The following LSP1 variants were observed in gnomAD, a reference collection of about 807,000 sequenced individuals.
The protein encoded by LSP1 is lymphocyte-specific protein 1.
Under a neutral mutation model 49.3 loss-of-function variants are expected in LSP1, and 32 were observed. The observed-to-expected ratio is 0.65, with a 90% confidence interval of 0.49 to 0.87. LSP1 has a LOEUF of 0.87. LSP1 is among the 40% of genes least tolerant of loss of function. The pLI, the probability that LSP1 is intolerant of heterozygous loss-of-function variation, is 0.00. For missense variants in LSP1, 428 were observed against 442.6 expected, an observed-to-expected ratio of 0.97 and a Z score of 0.30; for synonymous variants, 179 against 178.8, an observed-to-expected ratio of 1.00 and a Z score of -0.01.
chr11:1,864,278 C>T (rs1432769503), intron 1 of LSP1: 19 of 984,608 alleles, frequency 1.9e-5, no homozygotes, highest in Non-Finnish European at 1.7e-5. Flanking sequence ...CAAGAACGGC[C>T]GACGAAGGAG....
intron 1 of LSP1, chr11:1,866,788 G>C (rs927406502): frequency 1.9e-6 from 3 of 1,550,444 alleles, no homozygotes; most frequent in Non-Finnish European, 2.6e-6. Flanking sequence ...CCCAAGAGAA[G>C]GAAGTGCAGC....
chr11:1,864,742 A>G (rs1227743871), intron 1 of LSP1, among the ~76,000 whole-genome samples: 1 of 151,844 alleles, frequency 6.6e-6, no homozygotes, highest in Non-Finnish European at 1.5e-5. Context: ...AGGGATGGGG[A>G]CACAGGGACC....
At chr11:1,873,312 G>C (rs886282957) in intron 1 of LSP1, among the ~76,000 whole-genome samples, 6 of 152,268 alleles carry the variant, frequency 3.9e-5, no homozygotes, top group African/African-American at 1.4e-4. Context: ...CCGAGGCTCA[G>C]AGCAGGCACA....
At chr11:1,876,478 A>C in intron 1 of LSP1, 1 of 985,438 alleles carries the variant, frequency 1.0e-6, no homozygotes, top group Non-Finnish European at 1.2e-6. Flanking sequence ...TCTTCACCAG[A>C]GCCTCCTCAC....
intron 1 of LSP1, among the ~76,000 whole-genome samples, chr11:1,862,772 CT>C (rs1847676241): frequency 5.0e-5 from 1 of 20,098 alleles, no homozygotes; most frequent in Non-Finnish European, 1.0e-4. Flanking sequence ...CTCGCCTCCC[CT>C]GGGTGATCTC....
intron 1 of LSP1, among the ~76,000 whole-genome samples, chr11:1,858,363 C>T (rs919322249): frequency 6.6e-6 from 1 of 152,224 alleles, no homozygotes; most frequent in Non-Finnish European, 1.5e-5. Flanking sequence ...CAGAGCACTG[C>T]TCATGGCCCA....
At chr11:1,861,304 C>A (rs1044096124) in intron 1 of LSP1, among the ~76,000 whole-genome samples, 5 of 152,226 alleles carry the variant, frequency 3.3e-5, no homozygotes, top group Admixed American at 1.3e-4. Flanking sequence ...TATTTTCCAT[C>A]ATCTGACCTT....
At chr11:1,882,567 A>G (rs1848588865) in intron 3 of LSP1, among the ~76,000 whole-genome samples, 2 of 151,774 alleles carry the variant, frequency 1.3e-5, no homozygotes, top group Admixed American at 6.6e-5. Flanking sequence ...GAGATGGGGC[A>G]GCTCCCTTCT....
At chr11:1,864,380 T>G (rs1464695023) in intron 1 of LSP1, 1 of 334,738 alleles carries the variant, frequency 3.0e-6, no homozygotes, top group Admixed American at 6.7e-5. Flanking sequence ...CCCCTGTGCC[T>G]GGGGCAGGGG....
In LSP1 at chr11:1,878,480, C is replaced by T. The variant is rs527956479; in HGVS notation, c.54-1607C>T. Reference sequence around the variant, plus strand: ...CAGGACAGGCAGGCGGATTCGGGGGCGCGGGGGGCGGGGTGCACAGGCGGC... The same window carrying T: ...CAGGACAGGCAGGCGGATTCGGGGGTGCGGGGGGCGGGGTGCACAGGCGGC... On this transcript the variant is annotated intron_variant, in intron 1 of 10. Transcript: ENST00000311604. 2.4e-3 allele frequency among the ~76,000 whole-genome samples: 354 copies of T among 146,500 alleles called. 2 individuals are homozygous for T. Among genetic ancestry groups the T allele is most frequent in the South Asian group, 8.4e-3 (39 of 4,668 alleles).
At chr11:1,887,636 A>G (rs1848813546) in intron 10 of LSP1, 60 bp downstream of exon 10, 1 of 1,426,610 alleles carries the variant, frequency 7.0e-7, no homozygotes, top group Non-Finnish European at 9.8e-7. Context: ...TGTGCTGGGA[A>G]CTTGGCAACC....
intron 1 of LSP1, among the ~76,000 whole-genome samples, chr11:1,875,790 G>C (rs1848284007): frequency 6.6e-6 from 1 of 152,168 alleles, no homozygotes; most frequent in South Asian, 2.1e-4. Context: ...CCGAGCCCCA[G>C]GCGGACGGCG....
chr11:1,863,757 G>T (rs1340795635), intron 1 of LSP1: 1 of 152,284 alleles, frequency 6.6e-6, no homozygotes, highest in Non-Finnish European at 1.5e-5. Flanking sequence ...GCCAGAGGAC[G>T]CGGGCAAGGG....
chr11:1,871,490 G>T, intron 1 of LSP1: 1 of 985,666 alleles, frequency 1.0e-6, no homozygotes, highest in African/African-American at 1.7e-5. Context: ...CTCTGAGGAC[G>T]GTCCCTGACC....
chr11:1,888,799 G>T (rs1848861466), intron 10 of LSP1: 2 of 237,986 alleles, frequency 8.4e-6, no homozygotes, highest in East Asian at 1.6e-4. Flanking sequence ...CCAGGCCCCT[G>T]AGGAGCCTGG....
intron 1 of LSP1, among the ~76,000 whole-genome samples, chr11:1,856,219 G>C (rs561978425): frequency 1.3e-5 from 2 of 152,184 alleles, no homozygotes; most frequent in Admixed American, 1.3e-4. Flanking sequence ...CCCCCAGTCT[G>C]TTCCCCATGA....
intron 1 of LSP1, chr11:1,871,343 T>A: frequency 2.0e-6 from 2 of 985,956 alleles, no homozygotes; most frequent in Non-Finnish European, 2.4e-6. Context: ...GGGGCAGAGA[T>A]GTGAAACAGC....
intron 2 of LSP1, chr11:1,880,899 T>TCAGGTATTCTGACCAC (rs1473260005): frequency 6.5e-6 from 1 of 154,480 alleles, no homozygotes; most frequent in Non-Finnish European, 1.4e-5. Context: ...AGCCCTGCCC[T>TCAGGTATTCTGACCAC]AGGGAGCCCC....
intron 1 of LSP1, chr11:1,871,031 C>T (rs1425086281): frequency 1.0e-6 from 1 of 985,580 alleles, no homozygotes; most frequent in African/African-American, 1.7e-5. Flanking sequence ...AGTGGGGCTG[C>T]ATGTAGACGC....
Sources: gnomAD v4.1 joint callset for allele counts (sites outside exome capture counted in the v4.1 genomes callset) on GRCh38, gnomAD v4.1.1 for gene constraint, MANE v1.5 for transcripts, NCBI Gene and HGNC (gene_info 2026-07-23, HGNC 2026-07-21) for gene names.